HIP1: variants seen among roughly 807,000 people sequenced by gnomAD.
The protein encoded by HIP1 is huntingtin-interacting protein 1.
A neutral mutation model predicts 147.6 loss-of-function variants in HIP1; 65 were observed. That is an observed-to-expected ratio of 0.44 (90% CI 0.36 to 0.54). HIP1 has a LOEUF of 0.54. Ranked by LOEUF, HIP1 falls within the 20% of genes least tolerant of loss-of-function variation. The pLI, the probability that HIP1 is intolerant of heterozygous loss-of-function variation, is 0.00. For missense variants in HIP1, 1,061 were observed against 1,299.6 expected (o/e 0.82, Z 2.82); for synonymous variants, 479 against 504.0 (o/e 0.95, Z 0.67).
chr7:75,659,105 T>G (rs2117206931), intron 1 of HIP1, among the ~76,000 whole-genome samples: 1 of 152,338 alleles, frequency 6.6e-6, no homozygotes, highest in African/African-American at 2.4e-5. Context: ...TGTCTCGTCC[T>G]ACTTCTGGCC....
Position 75,738,935 on chromosome 7 carries a change from C to A in HIP1, c.-15G>T. 6.5e-7 allele frequency: 1 copy of A among 1,536,126 alleles called. No homozygotes were observed. Among genetic ancestry groups the A allele is most frequent in the Non-Finnish European group, 8.8e-7 (1 of 1,142,382 alleles). ...ATCCGATCCATGTCGCCGCGAGGAG[C>A]CGAGTCAGGGGCCCTCGGCTGCCCC... On this transcript the variant is annotated 5_prime_UTR_variant, in exon 1 of 31. Coordinates refer to ENST00000336926, the MANE Select transcript of HIP1 (RefSeq NM_005338.7).
At chr7:75,681,512 T>G (rs797034829) in intron 1 of HIP1, among the ~76,000 whole-genome samples, 6,062 of 146,378 alleles carry the variant, frequency 0.041, 244 homozygotes, top group Admixed American at 0.06. Flanking sequence ...TTTTTTTTTT[T>G]TTTTTTTTTT....
intron 6 of HIP1, 57 bp from the exon 7 acceptor site, chr7:75,581,355 T>C: frequency 7.6e-7 from 1 of 1,319,968 alleles, no homozygotes; most frequent in Non-Finnish European, 1.1e-6. Context: ...GTCTGTTACC[T>C]GTCCCCTCCC....
At chr7:75,567,818 T>G (rs961480763) in intron 9 of HIP1, among the ~76,000 whole-genome samples, 7 of 146,056 alleles carry the variant, frequency 4.8e-5, no homozygotes, top group African/African-American at 1.9e-4. Context: ...TTAAAAAAAA[T>G]TTTTTTTTAG....
At chr7:75,603,334 C>G (rs1052291228) in intron 1 of HIP1, among the ~76,000 whole-genome samples, 1 of 107,992 alleles carries the variant, frequency 9.3e-6, no homozygotes, top group South Asian at 3.1e-4. Flanking sequence ...GGTGACAGAG[C>G]GAGACTCTCA....
intron 1 of HIP1, among the ~76,000 whole-genome samples, chr7:75,635,960 G>A (rs903522837): frequency 9.5e-5 from 14 of 147,306 alleles, no homozygotes; most frequent in Admixed American, 1.4e-4. Flanking sequence ...GAAGGCGGAC[G>A]TTGCAAATGA....
At chr7:75,623,526 G>C (rs1234583399) in intron 1 of HIP1, among the ~76,000 whole-genome samples, 1 of 152,212 alleles carries the variant, frequency 6.6e-6, no homozygotes, top group Non-Finnish European at 1.5e-5. Flanking sequence ...ATGTGGGTGA[G>C]GGCAGTGCCA....
chr7:75,729,775 A>T (rs1801774170), intron 1 of HIP1, among the ~76,000 whole-genome samples: 1 of 146,526 alleles, frequency 6.8e-6, no homozygotes, highest in Admixed American at 6.9e-5. Context: ...GACAAGAACG[A>T]TACTCTGTCT....
In HIP1 at chr7:75,536,490, G is replaced by A. The variant is rs1205039500; in HGVS notation, c.*1682C>T. Reference sequence around the variant, plus strand: ...TGGCTACCACCAATGAGTTGCTATAGATAAAGAAGGAAGACGCTGTTTTTC... The same window carrying A: ...TGGCTACCACCAATGAGTTGCTATAAATAAAGAAGGAAGACGCTGTTTTTC... On this transcript the variant is annotated 3_prime_UTR_variant, in exon 31 of 31. Coordinates refer to ENST00000336926, the MANE Select transcript of HIP1 (RefSeq NM_005338.7). 4.4e-6 allele frequency: 1 copy of A among 229,786 alleles called. No individual in the cohort carries two copies. The highest frequency in any genetic ancestry group is 8.6e-6 in the Non-Finnish European group (1 of 115,770). 14.2% of individuals were successfully genotyped at this position (229,786 alleles called of 1,614,324 possible). A position where few individuals can be genotyped will look rare whatever the true frequency, so the allele number is the denominator to read the frequency against.
At chr7:75,605,869 A>G (rs1797204678) in intron 1 of HIP1, among the ~76,000 whole-genome samples, 1 of 151,860 alleles carries the variant, frequency 6.6e-6, no homozygotes, top group East Asian at 1.9e-4. Flanking sequence ...TATTTTTTGG[A>G]GACAGGGTCT....
intron 1 of HIP1, among the ~76,000 whole-genome samples, chr7:75,675,535 T>C (rs1317034890): frequency 1.3e-5 from 2 of 152,104 alleles, no homozygotes; most frequent in African/African-American, 4.8e-5. Flanking sequence ...TTTTGTATTT[T>C]TCAATTCTGT....
chr7:75,728,991 G>C (rs1310107537), intron 1 of HIP1, among the ~76,000 whole-genome samples: 1 of 151,330 alleles, frequency 6.6e-6, no homozygotes, highest in Non-Finnish European at 1.5e-5. Context: ...TCACTACCTA[G>C]GTGACAGGAT....
intron 13 of HIP1, among the ~76,000 whole-genome samples, chr7:75,560,732 G>A (rs1456329890): frequency 6.6e-6 from 1 of 152,056 alleles, no homozygotes; most frequent in Non-Finnish European, 1.5e-5. Context: ...GGGAAGACCT[G>A]GTTCTTTTGG....
intron 1 of HIP1, among the ~76,000 whole-genome samples, chr7:75,737,076 C>G (rs1162058078): frequency 6.6e-6 from 1 of 152,010 alleles, no homozygotes; most frequent in Non-Finnish European, 1.5e-5. Flanking sequence ...TGTATGCCAC[C>G]ACACGAGGAT....
intron 23 of HIP1, 78 bp from the exon 24 acceptor site, chr7:75,547,891 A>G: frequency 7.7e-7 from 1 of 1,302,252 alleles, no homozygotes; most frequent in African/African-American, 1.4e-5. Context: ...CTTTCAGTCC[A>G]ACATCGTGTG....
intron 1 of HIP1, among the ~76,000 whole-genome samples, chr7:75,617,754 TC>T (rs1178900837): frequency 6.6e-6 from 1 of 152,096 alleles, no homozygotes; most frequent in Non-Finnish European, 1.5e-5. Flanking sequence ...CGAAAGGGGC[TC>T]CTCCCTTGTA....
chr7:75,706,622 C>CT (rs1801011915), intron 1 of HIP1, among the ~76,000 whole-genome samples: 1 of 100,842 alleles, frequency 9.9e-6, no homozygotes, highest in African/African-American at 3.9e-5. Context: ...ATCAACTCGT[C>CT]ATTTTTTTTT....
At chr7:75,677,996 C>T (rs1469019706) in intron 1 of HIP1, among the ~76,000 whole-genome samples, 2 of 152,110 alleles carry the variant, frequency 1.3e-5, no homozygotes, top group East Asian at 3.9e-4. Context: ...CCCTTACTCA[C>T]TATTTTTTCT....
Position 75,545,171 on chromosome 7 carries a change from T to G in HIP1, c.2577A>C (p.Lys859Asn). The G allele has an allele frequency of 1.2e-6, 2 of 1,609,388 alleles. No individual in the cohort carries two copies. The highest frequency in any genetic ancestry group is 1.7e-6 in the Non-Finnish European group (2 of 1,176,492). Residue 859 changes from lysine (K) to asparagine (N), a missense_variant, in exon 26 of 31, where the codon AAA becomes AAC. By Grantham distance (94) the Lys-to-Asn change is moderately conservative. This residue lies in a region of HIP1 where 810 missense variants were observed against 946.8 expected (regional missense o/e 0.86). Coordinates refer to ENST00000336926, the MANE Select transcript of HIP1 (RefSeq NM_005338.7). ...VESGRGTASPKEFYAKNSRWT... is the reference protein window; with the variant it reads ...VESGRGTASPNEFYAKNSRWT... Reference sequence around the variant, plus strand: ...ATCGAGAGTTCTTGGCATAAAACTCTTTAGGGGATGCTGTACCCTAGGGAA... The same window carrying G: ...ATCGAGAGTTCTTGGCATAAAACTCGTTAGGGGATGCTGTACCCTAGGGAA...
Sources: gnomAD v4.1 joint callset for allele counts (sites outside exome capture counted in the v4.1 genomes callset) on GRCh38, gnomAD v4.1.1 for gene constraint, gnomAD v4.1.1 regional missense constraint, MANE v1.5 for transcripts, NCBI Gene and HGNC (gene_info 2026-07-23, HGNC 2026-07-21) for gene names.